SND1: variants seen among roughly 807,000 people sequenced by gnomAD.
SND1 encodes staphylococcal nuclease and tudor domain containing 1.
Under a neutral mutation model 121.7 loss-of-function variants are expected in SND1, and 38 were observed. That is an observed-to-expected ratio of 0.31 (90% CI 0.24 to 0.41). The LOEUF is 0.41. SND1 is among the 10% of genes least tolerant of loss of function. The pLI, the probability that SND1 is intolerant of heterozygous loss-of-function variation, is 1.00. For synonymous variants in SND1, 401 were observed against 447.4 expected, an observed-to-expected ratio of 0.90 and a Z score of 1.31; for missense variants, 868 against 1,184.6, an observed-to-expected ratio of 0.73 and a Z score of 3.92.
chr7:127,913,915 A>T (rs963171309), intron 14 of SND1, among the ~76,000 whole-genome samples: 1 of 152,214 alleles, frequency 6.6e-6, no homozygotes, highest in Admixed American at 6.5e-5. Context: ...TTTATTTAGC[A>T]TGCTTACAAC....
intron 12 of SND1, among the ~76,000 whole-genome samples, chr7:127,864,486 T>C (rs979410525): frequency 6.6e-6 from 1 of 152,034 alleles, no homozygotes; most frequent in African/African-American, 2.4e-5. Context: ...TGTCTGATTC[T>C]CATATTTTGT....
chr7:127,907,870 G>A (rs1800371335), intron 14 of SND1, among the ~76,000 whole-genome samples: 1 of 152,172 alleles, frequency 6.6e-6, no homozygotes, highest in Non-Finnish European at 1.5e-5. Flanking sequence ...AAAGGTCAGA[G>A]TGCGTTAAAA....
chr7:127,978,812 G>A (rs1213381584), intron 15 of SND1, among the ~76,000 whole-genome samples: 5 of 152,066 alleles, frequency 3.3e-5, no homozygotes, highest in East Asian at 1.9e-4. Flanking sequence ...TCAGCCTGCC[G>A]AGTAGCTGGG....
At chr7:127,899,426 G>A (rs1193408682) in intron 13 of SND1, among the ~76,000 whole-genome samples, 2 of 152,108 alleles carry the variant, frequency 1.3e-5, no homozygotes, top group African/African-American at 4.8e-5. Flanking sequence ...TTGTAGTGTT[G>A]ACCTAGAACA....
In SND1 at chr7:127,986,348, C is replaced by T. The variant is rs1052757873; in HGVS notation, c.1670-4599C>T. 2.0e-5 allele frequency among the ~76,000 whole-genome samples: 3 copies of T among 152,144 alleles called. No homozygotes were observed. The South Asian group carries it at 6.2e-4, about 31-fold the overall frequency. On this transcript the variant is annotated intron_variant, in intron 15 of 23. Transcript: ENST00000354725. ...CCCAGCATTTTGTTGGATATTTATA[C>T]TCCATGAGTCAAGGCTTGGGTGAGG... is the stretch of plus-strand genomic sequence containing the variant.
intron 12 of SND1, among the ~76,000 whole-genome samples, chr7:127,851,681 T>C (rs962897978): frequency 6.6e-6 from 1 of 152,250 alleles, no homozygotes; most frequent in Non-Finnish European, 1.5e-5. Flanking sequence ...AAAACTGAAA[T>C]TATTTCTATG....
intron 16 of SND1, among the ~76,000 whole-genome samples, chr7:128,010,872 G>T (rs1367537992): frequency 6.6e-6 from 1 of 152,202 alleles, no homozygotes; most frequent in African/African-American, 2.4e-5. Flanking sequence ...CAGAGCCCCT[G>T]TGGAGCCGCC....
intron 10 of SND1, among the ~76,000 whole-genome samples, chr7:127,754,892 C>T (rs897443009): frequency 3.9e-5 from 6 of 152,224 alleles, no homozygotes; most frequent in African/African-American, 1.4e-4. Context: ...AAAAGCCTAA[C>T]AGAGTATAGT....
At chr7:127,875,908 C>T (rs1372858244) in intron 12 of SND1, among the ~76,000 whole-genome samples, 1 of 152,040 alleles carries the variant, frequency 6.6e-6, no homozygotes, top group Non-Finnish European at 1.5e-5. Flanking sequence ...CTGTGTGTGC[C>T]TCCTTGGTTC....
rs1236216563 is a variant in SND1, at chr7:128,069,179, G to A, written c.1780-5323G>A. The stretch of plus-strand genomic sequence containing the variant: ...TATTTCATGGGAGGACTCCCCGGGT[G>A]TAAGAAACCCAAAGCTTTCAGAGTC... On this transcript the variant is annotated intron_variant, in intron 16 of 23. Transcript: ENST00000354725. 1.4e-4 allele frequency among the ~76,000 whole-genome samples: 22 copies of A among 152,228 alleles called. 1 individual carries two copies. Among genetic ancestry groups the A allele is most frequent in the Admixed American group, 1.3e-3 (20 of 15,292 alleles).
intron 1 of SND1, among the ~76,000 whole-genome samples, chr7:127,668,519 G>A (rs555914595): frequency 1.3e-5 from 2 of 152,328 alleles, no homozygotes; most frequent in African/African-American, 2.4e-5. Context: ...TAAATCCAGA[G>A]CCCAGAACAA....
At chr7:128,046,668 A>T (rs1283912278) in intron 16 of SND1, among the ~76,000 whole-genome samples, 2 of 151,884 alleles carry the variant, frequency 1.3e-5, no homozygotes, top group Non-Finnish European at 2.9e-5. Flanking sequence ...CCTGCCTCCC[A>T]TGCTGGTTTA....
At chr7:127,805,901 AC>A (rs1798230075) in intron 10 of SND1, among the ~76,000 whole-genome samples, 2 of 152,128 alleles carry the variant, frequency 1.3e-5, no homozygotes. Context: ...GTCTTTCTAT[AC>A]TTTTTGCAAA....
chr7:127,759,678 T>C (rs961058913), intron 10 of SND1, among the ~76,000 whole-genome samples: 2 of 140,018 alleles, frequency 1.4e-5, no homozygotes, highest in Admixed American at 1.4e-4. Flanking sequence ...CATAGGGGCA[T>C]ATACATCCAT....
rs989785608 is a variant in SND1, at chr7:127,815,372, C to T, written c.1242+7799C>T. On this transcript the variant is annotated intron_variant, in intron 11 of 23. Transcript: ENST00000354725. ...AGGCGTGGTGGACTGCACCTGTAGT[C>T]CCAGCTATTTGGGTGGCTGAGATAG... is the stretch of plus-strand genomic sequence containing the variant. Among the ~76,000 whole-genome samples, 5 of 152,088 alleles carry T rather than the reference C, an allele frequency of 3.3e-5. No individual in the cohort carries two copies. The South Asian group carries it at 1.0e-3, about 32-fold the overall frequency.
chr7:127,740,594 C>T (rs1796862747), intron 10 of SND1, among the ~76,000 whole-genome samples: 1 of 152,204 alleles, frequency 6.6e-6, no homozygotes. Context: ...ATGCAGCTCT[C>T]AACCCCAGTC....
chr7:127,703,109 A>T, intron 6 of SND1, 56 bp from the exon 7 acceptor site: 1 of 1,599,126 alleles, frequency 6.3e-7, no homozygotes, highest in Non-Finnish European at 8.6e-7. Context: ...GTGGGGCGAG[A>T]GTGCCTAGCA....
intron 12 of SND1, among the ~76,000 whole-genome samples, chr7:127,853,219 C>T (rs554663931): frequency 1.9e-4 from 29 of 152,102 alleles, no homozygotes; most frequent in Non-Finnish European, 3.8e-4. Context: ...AGTGGGGGCT[C>T]GGGGTTGACT....
rs562122793 is a variant in SND1 at position 127,982,194 on chromosome 7, C to T, written c.1670-8753C>T. 2.6e-5 allele frequency among the ~76,000 whole-genome samples: 4 copies of T among 152,328 alleles called. No homozygotes were observed. In the South Asian group the frequency reaches 8.3e-4, roughly 32 times the overall value. On this transcript the variant is annotated intron_variant, in intron 15 of 23. Transcript: ENST00000354725. ...TCTGTAGATGCTTCTCTTCTCTTCCCCTTCCTTTCTTCAAAGAGAGCTGCA... is the reference window on the plus strand; with the variant it reads ...TCTGTAGATGCTTCTCTTCTCTTCCTCTTCCTTTCTTCAAAGAGAGCTGCA...
Sources: gnomAD v4.1 joint callset for allele counts (sites outside exome capture counted in the v4.1 genomes callset) on GRCh38, gnomAD v4.1.1 for gene constraint, MANE v1.5 for transcripts, NCBI Gene and HGNC (gene_info 2026-07-23, HGNC 2026-07-21) for gene names.